NRG2: variants seen among roughly 807,000 people sequenced by gnomAD.
NRG2 encodes the protein pro-neuregulin-2, membrane-bound isoform.
Under a neutral mutation model 73.9 loss-of-function variants are expected in NRG2, and 27 were observed. The observed-to-expected ratio is 0.37, with a 90% CI of 0.27 to 0.50. NRG2 has a LOEUF of 0.50. Among genes scored for constraint, NRG2 ranks in the 20% least tolerant of loss-of-function variants. The pLI is 0.96. For synonymous variants in NRG2, 532 were observed against 541.0 expected, an observed-to-expected ratio of 0.98 and a Z score of 0.23; for missense variants, 1,126 against 1,210.1, an observed-to-expected ratio of 0.93 and a Z score of 1.03.
At chr5:139,939,209 TTCCTTCC>T in intron 1 of NRG2, among the ~76,000 whole-genome samples, 1 of 21,674 alleles carries the variant, frequency 4.6e-5, no homozygotes, top group East Asian at 3.6e-3. Flanking sequence ...ATTTCTTTCC[TTCCTTCC>T]TTCCTTCCTT....
At chr5:139,929,814 C>T (rs1752331992) in intron 1 of NRG2, among the ~76,000 whole-genome samples, 1 of 152,188 alleles carries the variant, frequency 6.6e-6, no homozygotes, top group Admixed American at 6.5e-5. Context: ...ACAAATTCCT[C>T]ACAGGTCAAC....
intron 1 of NRG2, among the ~76,000 whole-genome samples, chr5:140,018,121 C>T (rs1405440439): frequency 2.0e-5 from 3 of 152,070 alleles, no homozygotes; most frequent in Non-Finnish European, 4.4e-5. Context: ...CAATGTAGAT[C>T]CCAGGAAGCA....
At position 139,870,279 on chromosome 5, in the gene NRG2, T is replaced by A. The variant is rs1427045938; in HGVS notation, c.1112+1442A>T. ...GAGGGGCTGAGTTTGGGTTGAGAACTTCCCTAGAGGGCCTGTTGTTGCTAC... is the reference window on the plus strand; with the variant it reads ...GAGGGGCTGAGTTTGGGTTGAGAACATCCCTAGAGGGCCTGTTGTTGCTAC... On this transcript the variant is annotated intron_variant, in intron 4 of 9. Transcript: ENST00000361474. The surrounding 1 kb of genome is among the most constrained non-coding windows in gnomAD (Gnocchi z 4.4). 2.0e-5 allele frequency among the ~76,000 whole-genome samples: 3 copies of A among 152,126 alleles called. No homozygotes were observed. The highest frequency in any genetic ancestry group is 7.2e-5 in the African/African-American group (3 of 41,430).
rs552151179 is a variant in NRG2 at position 140,001,563 on chromosome 5, T to C, written c.700+40807A>G. Reference sequence around the variant, plus strand: ...ACCTGCTATTTGCCAAGCACTATTCTAAATACTAGAGATGTGAGCTGGGCT... The same window carrying C: ...ACCTGCTATTTGCCAAGCACTATTCCAAATACTAGAGATGTGAGCTGGGCT... On this transcript the variant is annotated intron_variant, in intron 1 of 9. Transcript: ENST00000361474. 2.6e-5 allele frequency among the ~76,000 whole-genome samples: 4 copies of C among 152,266 alleles called. No homozygotes were observed. The South Asian group carries it at 8.3e-4, about 32-fold the overall frequency.
chr5:139,877,635 G>A (rs1763265704), intron 3 of NRG2, among the ~76,000 whole-genome samples: 1 of 152,256 alleles, frequency 6.6e-6, no homozygotes, highest in Non-Finnish European at 1.5e-5. Context: ...GTAGGCTCTT[G>A]CCTGCCATGG....
At chr5:139,884,093 C>T (rs1228081299) in intron 2 of NRG2, among the ~76,000 whole-genome samples, 2 of 152,156 alleles carry the variant, frequency 1.3e-5, no homozygotes, top group East Asian at 1.9e-4. Flanking sequence ...GTCAGTTCAG[C>T]CCTCAGTGTA....
At chr5:139,896,722 G>T (rs1764564977) in intron 1 of NRG2, among the ~76,000 whole-genome samples, 1 of 152,044 alleles carries the variant, frequency 6.6e-6, no homozygotes, top group Non-Finnish European at 1.5e-5. Flanking sequence ...AGTCCATTTG[G>T]CTTCTACCAT....
At chr5:140,039,482 T>C (rs1416036357) in intron 1 of NRG2, among the ~76,000 whole-genome samples, 2 of 152,212 alleles carry the variant, frequency 1.3e-5, no homozygotes, top group Admixed American at 6.5e-5. Context: ...ACATTAGATA[T>C]GTAAAAATAT....
At chr5:139,959,732 C>T (rs550308696) in intron 1 of NRG2, among the ~76,000 whole-genome samples, 68 of 152,162 alleles carry the variant, frequency 4.5e-4, no homozygotes, top group Non-Finnish European at 9.4e-4. Context: ...AGGCTGGTCT[C>T]AAACACCTGA....
chr5:139,974,578 A>G (rs1168917651), intron 1 of NRG2, among the ~76,000 whole-genome samples: 1 of 152,152 alleles, frequency 6.6e-6, no homozygotes, highest in East Asian at 1.9e-4. Flanking sequence ...ACCAGTCATA[A>G]TTTTTTAAAA....
At chr5:139,884,948 G>C (rs1438397202) in intron 2 of NRG2, among the ~76,000 whole-genome samples, 1 of 152,074 alleles carries the variant, frequency 6.6e-6, no homozygotes, top group Non-Finnish European at 1.5e-5. Context: ...GACGACAAAG[G>C]GTCAGGGGTT....
Position 139,904,295 on chromosome 5 carries a change from G to A in NRG2, c.701-16784C>T. On this transcript the variant is annotated intron_variant, in intron 1 of 9. Transcript: ENST00000361474. This position sits in a 1 kb window ranked among gnomAD's most constrained non-coding sequence, Gnocchi z 6.0. ...GGGAAACCGGGTTTCTGGGCGCGCGGAGGTGCCCTACCTTTCTCCCCGGGA... is the reference window on the plus strand; with the variant it reads ...GGGAAACCGGGTTTCTGGGCGCGCGAAGGTGCCCTACCTTTCTCCCCGGGA... The A allele has an allele frequency of 6.3e-7, 1 of 1,587,184 alleles. No individual in the cohort carries two copies. Among genetic ancestry groups the A allele is most frequent in the South Asian group, 1.1e-5 (1 of 89,242 alleles).
chr5:139,945,508 T>C (rs1322041409), intron 1 of NRG2, among the ~76,000 whole-genome samples: 1 of 152,156 alleles, frequency 6.6e-6, no homozygotes, highest in Non-Finnish European at 1.5e-5. Context: ...CATTGGTCTA[T>C]GTGTCTGTTT....
intron 1 of NRG2, among the ~76,000 whole-genome samples, chr5:139,967,739 C>T (rs965251137): frequency 4.6e-5 from 7 of 151,950 alleles, no homozygotes; most frequent in Non-Finnish European, 7.4e-5. Flanking sequence ...TCTGGGAGGC[C>T]GAGGCGGGTG....
At chr5:140,040,585 C>T (rs770841461) in intron 1 of NRG2, among the ~76,000 whole-genome samples, 1 of 152,174 alleles carries the variant, frequency 6.6e-6, no homozygotes, top group Non-Finnish European at 1.5e-5. Context: ...AAGTCCTCAG[C>T]GGCCCAGACT....
intron 1 of NRG2, among the ~76,000 whole-genome samples, chr5:139,926,512 G>A (rs547723628): frequency 3.9e-4 from 59 of 152,296 alleles, no homozygotes; most frequent in African/African-American, 1.4e-3. Flanking sequence ...GCTGGCTTCC[G>A]TGAGTGATGA....
At chr5:140,040,083 A>G (rs116315881) in intron 1 of NRG2, among the ~76,000 whole-genome samples, 4,156 of 152,282 alleles carry the variant, frequency 0.027, 88 homozygotes, top group Non-Finnish European at 0.044. Flanking sequence ...AATGCAGTTT[A>G]TGCTCTTCTG....
intron 1 of NRG2, among the ~76,000 whole-genome samples, chr5:140,022,593 T>G (rs1274013883): frequency 6.6e-6 from 1 of 152,236 alleles, no homozygotes; most frequent in Non-Finnish European, 1.5e-5. Context: ...ATAGATGGCC[T>G]GGGTTCAGAA....
chr5:139,869,966 G>A lies in NRG2; in HGVS notation c.1112+1755C>T, dbSNP rs1405990412. On this transcript the variant is annotated intron_variant, in intron 4 of 9. Coordinates refer to ENST00000361474, the MANE Select transcript of NRG2 (RefSeq NM_004883.3). The surrounding 1 kb of genome is among the most constrained non-coding windows in gnomAD (Gnocchi z 4.5). ...GGGCCAGAACCTTCCCTGCCCGGAC[G>A]AGGGCTGACTTCAGTGACAGTGCTG... is the stretch of plus-strand genomic sequence containing the variant. Among the ~76,000 whole-genome samples the A allele has an allele frequency of 1.1e-4, 16 of 152,342 alleles. No individual in the cohort carries two copies. The highest frequency in any genetic ancestry group is 6.2e-4 in the South Asian group (3 of 4,830).
Sources: gnomAD v4.1 joint callset for allele counts (sites outside exome capture counted in the v4.1 genomes callset) on GRCh38, gnomAD v4.1.1 for gene constraint, Gnocchi (gnomAD v3.1) non-coding constraint, MANE v1.5 for transcripts, NCBI Gene and HGNC (gene_info 2026-07-23, HGNC 2026-07-21) for gene names.